Variants in OLFML2B observed in about 807,000 individuals in gnomAD.
OLFML2B encodes the protein olfactomedin like 2B, also known as olfactomedin-like protein 2B.
In OLFML2B, 57 loss-of-function variants were observed where a neutral mutation model predicts 74.9. The observed-to-expected ratio is 0.76, with a 90% CI of 0.61 to 0.95. The LOEUF (loss-of-function observed/expected upper bound fraction) is 0.95. Among genes scored for constraint, OLFML2B ranks in the 40% least tolerant of loss-of-function variants. The pLI is 0.00. For synonymous variants in OLFML2B, 388 were observed against 405.8 expected (o/e 0.96, Z 0.53); for missense variants, 986 against 970.6 (o/e 1.02, Z -0.21).
rs771202440 is a variant in OLFML2B at position 162,006,495 on chromosome 1, T to C, written c.547-22A>G. 9.6e-6 allele frequency: 14 copies of C among 1,453,004 alleles called. No homozygotes were observed. In the East Asian group the frequency reaches 3.0e-4, roughly 31 times the overall value. The allele number at this position is 1,453,004 out of a possible 1,614,324, so 90.0% of individuals were successfully genotyped here. On this transcript the variant is annotated intron_variant, in intron 3 of 7. Transcript: ENST00000294794. ...CTTCCTGAGAAGGAAAAAAAAAAGA[T>C]GATCCATTAAAGCACCCTGAAGACA...
At chr1:162,019,054 C>A (rs1406963110) in intron 2 of OLFML2B, among the ~76,000 whole-genome samples, 1 of 152,198 alleles carries the variant, frequency 6.6e-6, no homozygotes, top group Non-Finnish European at 1.5e-5. Context: ...CTGAGATACT[C>A]CTGATATTGG....
intron 6 of OLFML2B, among the ~76,000 whole-genome samples, chr1:161,988,444 C>CT (rs1482679480): frequency 2.0e-5 from 3 of 152,172 alleles, no homozygotes; most frequent in Non-Finnish European, 4.4e-5. Flanking sequence ...AGCAATGCCT[C>CT]TCAGCCCCTC....
intron 4 of OLFML2B, among the ~76,000 whole-genome samples, chr1:162,001,494 T>G (rs1260000824): frequency 1.3e-5 from 2 of 152,108 alleles, no homozygotes; most frequent in Admixed American, 6.6e-5. Flanking sequence ...CATGAGGGGA[T>G]TTTGAGGATG....
chr1:161,988,932 C>T (rs1226941178), intron 6 of OLFML2B, among the ~76,000 whole-genome samples: 1 of 152,206 alleles, frequency 6.6e-6, no homozygotes, highest in African/African-American at 2.4e-5. Flanking sequence ...CCAGAGAAAG[C>T]CATGGCACAC....
chr1:161,999,163 A>C (rs1195530352), intron 5 of OLFML2B, among the ~76,000 whole-genome samples: 2 of 152,188 alleles, frequency 1.3e-5, no homozygotes, highest in Admixed American at 1.3e-4. Flanking sequence ...GCAGAGATGG[A>C]ATATGGAGAG....
chr1:161,985,624 G>T (rs552612005), intron 6 of OLFML2B, among the ~76,000 whole-genome samples: 1 of 152,290 alleles, frequency 6.6e-6, no homozygotes, highest in East Asian at 1.9e-4. Flanking sequence ...CTGCTGAGCT[G>T]CCCCAGGCTG....
Position 162,006,542 on chromosome 1 carries a change from A to G in OLFML2B, c.547-69T>C, listed in dbSNP as rs2101968759. ...GACAAGCAGGAGGCAGCTAGCAGCC[A>G]TCTTCGCTCAGAGCACACAGACACA... On this transcript the variant is annotated intron_variant, in intron 3 of 7. Transcript: ENST00000294794. 4 of 1,239,752 alleles carry G rather than the reference A, an allele frequency of 3.2e-6. No homozygotes were observed. In the East Asian group the frequency reaches 9.3e-5, roughly 29 times the overall value. 76.8% of individuals were successfully genotyped at this position (1,239,752 alleles called of 1,614,324 possible).
chr1:162,008,067 G>T (rs1210838687), intron 3 of OLFML2B, among the ~76,000 whole-genome samples: 2 of 152,190 alleles, frequency 1.3e-5, no homozygotes, highest in South Asian at 4.1e-4. Context: ...AGTGTAATGG[G>T]TAAGAGCATG....
At chr1:161,998,441 G>T in intron 5 of OLFML2B, 92 bp from the exon 6 acceptor site, 1 of 1,424,438 alleles carries the variant, frequency 7.0e-7, no homozygotes, top group Non-Finnish European at 9.5e-7. Context: ...GAATTAGAGG[G>T]TGCCTTTCCT....
chr1:162,022,866 C>A, intron 1 of OLFML2B, among the ~76,000 whole-genome samples: 1 of 152,244 alleles, frequency 6.6e-6, no homozygotes, highest in East Asian at 1.9e-4. Context: ...AAGTATCTCC[C>A]GATGGGATAT....
At position 162,017,527 on chromosome 1, in the gene OLFML2B, G is replaced by T; in HGVS notation, c.439-20C>A. 3 of 1,583,608 alleles carry T rather than the reference G, an allele frequency of 1.9e-6. No individual in the cohort carries two copies. The South Asian group carries it at 3.4e-5, about 18-fold the overall frequency. On this transcript the variant is annotated intron_variant, in intron 2 of 7. Coordinates refer to ENST00000294794, the MANE Select transcript of OLFML2B (RefSeq NM_015441.3). ...GGAGAGCTATGAAACAAGGCAAGGG[G>T]TTAGTCCAGGGCTGGGGCACACAGA...
chr1:161,998,201 A>T lies in OLFML2B; in HGVS notation c.1098T>A (p.Ala366=). ...GTGCTGAGGACCAGGGTGCGGTCCG[A>T]GCGTTCAGGTCGCTTGTCACAGCAG... is the stretch of plus-strand genomic sequence containing the variant. ...HSTAVTSDLN[A]RTAPWSSALP... Residue 366 remains alanine, a synonymous_variant, in exon 6 of 8, where the codon GCT becomes GCA. Transcript: ENST00000294794. The T allele has an allele frequency of 6.2e-7, 1 of 1,613,990 alleles. No homozygotes were observed. Among genetic ancestry groups the T allele is most frequent in the East Asian group, 2.2e-5 (1 of 44,870 alleles).
chr1:162,019,423 G>A (rs1690635507), intron 2 of OLFML2B, among the ~76,000 whole-genome samples: 1 of 152,110 alleles, frequency 6.6e-6, no homozygotes, highest in Admixed American at 6.5e-5. Context: ...CAACCCATGG[G>A]GCTGCCTAAG....
At chr1:162,016,079 G>A (rs1166625453) in intron 3 of OLFML2B, among the ~76,000 whole-genome samples, 1 of 152,194 alleles carries the variant, frequency 6.6e-6, no homozygotes, top group Non-Finnish European at 1.5e-5. Context: ...TTTAAGGGGT[G>A]GAAGGAGTGT....
chr1:162,019,984 G>C lies in OLFML2B; in HGVS notation c.373C>G (p.Leu125Val), dbSNP rs1390771195. ...CTGAAGTCTCCCTCGCAGGGATTGA[G>C]GGCCGATGGGGGTGCTACACAGGCA... ...KCACVAPPSALNPCEGDFRLQ... is the reference protein window; with the variant it reads ...KCACVAPPSAVNPCEGDFRLQ... Residue 125 changes from leucine to valine, a missense_variant, in exon 2 of 8, where the codon CTC becomes GTC. By Grantham distance (32) the Leu-to-Val change is conservative. Transcript: ENST00000294794. 6.2e-7 allele frequency: 1 copy of C among 1,614,188 alleles called. No homozygotes were observed. Among genetic ancestry groups the C allele is most frequent in the Non-Finnish European group, 8.5e-7 (1 of 1,180,016 alleles).
chr1:161,993,002 AG>A (rs1689785123), intron 6 of OLFML2B, among the ~76,000 whole-genome samples: 1 of 102,542 alleles, frequency 9.8e-6, no homozygotes, highest in Non-Finnish European at 2.2e-5. Context: ...AACAAAGCAA[AG>A]TGCAATAAGA....
chr1:162,020,321 G>T (rs1690667420), intron 1 of OLFML2B, 139 bp from the exon 2 acceptor site: 2 of 933,358 alleles, frequency 2.1e-6, no homozygotes, highest in Non-Finnish European at 3.1e-6. Context: ...GAGCCAATAG[G>T]TCACTGAGAT....
intron 4 of OLFML2B, 113 bp downstream of exon 4, chr1:162,006,184 C>A: frequency 1.0e-6 from 1 of 975,818 alleles, no homozygotes; most frequent in Non-Finnish European, 1.5e-6. Flanking sequence ...ATGGATGAAG[C>A]GAGCTCATCT....
At chr1:161,996,595 A>G (rs1359145066) in intron 6 of OLFML2B, among the ~76,000 whole-genome samples, 2 of 152,272 alleles carry the variant, frequency 1.3e-5, no homozygotes, top group African/African-American at 4.8e-5. Context: ...TTTTGATGAA[A>G]TTATTACTCA....
Sources: gnomAD v4.1 joint callset for allele counts (sites outside exome capture counted in the v4.1 genomes callset) on GRCh38, gnomAD v4.1.1 for gene constraint, MANE v1.5 for transcripts, NCBI Gene and HGNC (gene_info 2026-07-23, HGNC 2026-07-21) for gene names.